Variants in GPC6 observed in about 807,000 individuals in gnomAD.
GPC6 encodes the protein glypican-6.
A neutral mutation model predicts 55.2 loss-of-function variants in GPC6; 14 were observed. The ratio of observed to expected loss-of-function variants is 0.25; its 90% CI spans 0.17 to 0.40. GPC6 has a LOEUF of 0.40. Ranked by LOEUF, GPC6 falls within the 10% of genes least tolerant of loss-of-function variation. The probability of loss-of-function intolerance (pLI) is 1.00; values close to 1 mark genes in which losing one functional copy is unlikely to be tolerated. For missense variants in GPC6, 641 were observed against 708.5 expected (o/e 0.90, Z 1.08); for synonymous variants, 278 against 259.6 (o/e 1.07, Z -0.68).
intron 2 of GPC6, among the ~76,000 whole-genome samples, chr13:93,696,674 T>G (rs1183492811): frequency 6.7e-6 from 1 of 150,058 alleles, no homozygotes; most frequent in Non-Finnish European, 1.5e-5. Context: ...CAGACTGGAG[T>G]GCAGTGGCAG....
chr13:93,381,104 T>A (rs187980257), intron 1 of GPC6, among the ~76,000 whole-genome samples: 1 of 152,300 alleles, frequency 6.6e-6, no homozygotes, highest in Admixed American at 6.5e-5. Context: ...ACTGACTGGA[T>A]TTTTTTAAAG....
intron 2 of GPC6, among the ~76,000 whole-genome samples, chr13:93,693,372 G>A (rs1882325941): frequency 6.6e-6 from 1 of 151,828 alleles, no homozygotes; most frequent in African/African-American, 2.4e-5. Flanking sequence ...ATAAATAGTA[G>A]TATGCTCTCC....
At chr13:93,842,097 G>C (rs901098408) in intron 3 of GPC6, among the ~76,000 whole-genome samples, 3 of 152,014 alleles carry the variant, frequency 2.0e-5, no homozygotes, top group Non-Finnish European at 4.4e-5. Context: ...CAAGACATAA[G>C]GAAATACTTA....
intron 3 of GPC6, among the ~76,000 whole-genome samples, chr13:93,963,135 T>G (rs1048927008): frequency 6.6e-6 from 1 of 152,200 alleles, no homozygotes; most frequent in African/African-American, 2.4e-5. Context: ...TTTTTTCTTG[T>G]AGATTTGTTC....
intron 2 of GPC6, among the ~76,000 whole-genome samples, chr13:93,629,559 A>T (rs1209691968): frequency 6.6e-6 from 1 of 152,218 alleles, no homozygotes; most frequent in Non-Finnish European, 1.5e-5. Flanking sequence ...AAGTTAGAAA[A>T]GATTAAAATA....
At chr13:93,753,806 G>A (rs568556718) in intron 2 of GPC6, among the ~76,000 whole-genome samples, 1 of 152,100 alleles carries the variant, frequency 6.6e-6, no homozygotes, top group East Asian at 1.9e-4. Context: ...TTTAAAGATG[G>A]AGTCTTGCTC....
chr13:94,393,978 T>C (rs1285579039), intron 7 of GPC6, among the ~76,000 whole-genome samples: 3 of 152,130 alleles, frequency 2.0e-5, no homozygotes, highest in African/African-American at 4.8e-5. Flanking sequence ...GAAACTTCTG[T>C]GGGGATGGTC....
intron 4 of GPC6, among the ~76,000 whole-genome samples, chr13:94,267,584 G>A (rs7323418): frequency 0.26 from 39,332 of 151,882 alleles, 5,298 homozygotes; most frequent in East Asian, 0.38. Context: ...CCCAATTCCA[G>A]CTAAGTAATT....
intron 4 of GPC6, among the ~76,000 whole-genome samples, chr13:94,271,378 GCGCGCA>G (rs1462877135): frequency 1.9e-3 from 213 of 112,818 alleles, no homozygotes; most frequent in Non-Finnish European, 3.3e-3. Flanking sequence ...GCGCGCGCGC[GCGCGCA>G]CACACACACA....
intron 4 of GPC6, among the ~76,000 whole-genome samples, chr13:94,031,569 T>C (rs1180850903): frequency 1.4e-5 from 2 of 148,142 alleles, no homozygotes; most frequent in Non-Finnish European, 3.0e-5. Context: ...AACCCTGTTT[T>C]AAGGCATTAA....
chr13:94,363,351 A>G (rs865917999), intron 6 of GPC6, among the ~76,000 whole-genome samples: 5 of 152,296 alleles, frequency 3.3e-5, no homozygotes, highest in Middle Eastern at 6.8e-3. Flanking sequence ...TATAAACTGA[A>G]GCAATTCTAG....
intron 3 of GPC6, among the ~76,000 whole-genome samples, chr13:93,958,689 G>T (rs930520965): frequency 6.6e-6 from 1 of 151,952 alleles, no homozygotes; most frequent in African/African-American, 2.4e-5. Context: ...CTCTTTTTTG[G>T]TTCCAAATTA....
chr13:93,679,668 G>A (rs1451307842), intron 2 of GPC6, among the ~76,000 whole-genome samples: 2 of 152,082 alleles, frequency 1.3e-5, no homozygotes, highest in Admixed American at 1.3e-4. Context: ...AGACCTCAAA[G>A]TCTAGAAGTT....
chr13:93,763,529 G>A, intron 2 of GPC6, among the ~76,000 whole-genome samples: 1 of 152,120 alleles, frequency 6.6e-6, no homozygotes, highest in East Asian at 1.9e-4. Context: ...ATTACCATCA[G>A]GCATCATTCA....
chr13:94,201,163 G>A (rs779204813), intron 4 of GPC6, among the ~76,000 whole-genome samples: 15 of 152,194 alleles, frequency 9.9e-5, no homozygotes, highest in Non-Finnish European at 1.9e-4. Flanking sequence ...TTTGCTATCA[G>A]ATGTGATTTG....
intron 6 of GPC6, among the ~76,000 whole-genome samples, chr13:94,322,847 G>A (rs553948570): frequency 3.5e-4 from 53 of 152,100 alleles, no homozygotes; most frequent in Non-Finnish European, 6.9e-4. Context: ...GAAATTGGCA[G>A]TTTCTCCTTC....
chr13:94,237,436 CAAAT>C (rs1307855918), intron 4 of GPC6, among the ~76,000 whole-genome samples: 1 of 152,036 alleles, frequency 6.6e-6, no homozygotes, highest in Admixed American at 6.6e-5. Flanking sequence ...TCTTAGACAA[CAAAT>C]AAACAGATAA....
At chr13:93,652,306 A>G (rs1349148793) in intron 2 of GPC6, among the ~76,000 whole-genome samples, 1 of 152,180 alleles carries the variant, frequency 6.6e-6, no homozygotes. Context: ...GTTAATGCAT[A>G]GAACTCAAAT....
intron 4 of GPC6, among the ~76,000 whole-genome samples, chr13:94,053,272 A>G (rs1357618034): frequency 2.6e-5 from 4 of 152,044 alleles, no homozygotes; most frequent in African/African-American, 7.2e-5. Context: ...GGAATTATGG[A>G]GGGTCACTGG....
Sources: allele counts gnomAD v4.1 joint callset (sites outside exome capture counted in the v4.1 genomes callset), GRCh38; gene constraint gnomAD v4.1.1; transcripts MANE v1.5; gene names NCBI Gene and HGNC (gene_info 2026-07-23, HGNC 2026-07-21).